The following PEX14 variants were observed in gnomAD, a reference collection of about 807,000 sequenced individuals.
The protein encoded by PEX14 is peroxisomal biogenesis factor 14.
Under a neutral mutation model 49.5 loss-of-function variants are expected in PEX14, and 15 were observed. That is an observed-to-expected ratio of 0.30 (90% CI 0.20 to 0.47). The LOEUF is 0.47. Ranked by LOEUF, PEX14 falls within the 20% of genes least tolerant of loss-of-function variation. The pLI, the probability that PEX14 is intolerant of heterozygous loss-of-function variation, is 1.00. For synonymous variants in PEX14, 210 were observed against 212.7 expected (o/e 0.99, Z 0.11); for missense variants, 398 against 494.8 (o/e 0.80, Z 1.86).
intron 3 of PEX14, among the ~76,000 whole-genome samples, chr1:10,585,837 G>T (rs1472224737): frequency 6.6e-6 from 1 of 152,190 alleles, no homozygotes; most frequent in East Asian, 1.9e-4. Flanking sequence ...CAAAGATTGC[G>T]GTGAGTGGAG....
At chr1:10,526,107 G>A (rs1638470419) in intron 2 of PEX14, among the ~76,000 whole-genome samples, 1 of 148,172 alleles carries the variant, frequency 6.7e-6, no homozygotes, top group African/African-American at 2.5e-5. Flanking sequence ...ATTTTTAGTA[G>A]AGACGGGTTT....
chr1:10,497,890 A>T (rs1337816569), intron 2 of PEX14, among the ~76,000 whole-genome samples: 1 of 152,176 alleles, frequency 6.6e-6, no homozygotes, highest in African/African-American at 2.4e-5. Flanking sequence ...CAATTCCTTA[A>T]TGGAAGTTGC....
At chr1:10,532,987 G>A (rs1436135785) in intron 2 of PEX14, among the ~76,000 whole-genome samples, 4 of 152,152 alleles carry the variant, frequency 2.6e-5, no homozygotes, top group South Asian at 2.1e-4. Flanking sequence ...TTCTCCCATC[G>A]ATGTATGAAT....
chr1:10,555,049 G>C (rs571909213), intron 3 of PEX14, among the ~76,000 whole-genome samples: 1 of 151,926 alleles, frequency 6.6e-6, no homozygotes, highest in Admixed American at 6.6e-5. Context: ...CTTGATCTGG[G>C]GCTGCAGTAA....
At chr1:10,537,339 G>GCCCCCCCCCCC (rs1463981995) in intron 3 of PEX14, among the ~76,000 whole-genome samples, 1 of 12,346 alleles carries the variant, frequency 8.1e-5, no homozygotes, top group Non-Finnish European at 2.4e-4. Flanking sequence ...CATTGTGCCA[G>GCCCCCCCCCCC]CACCCCCCCC....
In PEX14 at chr1:10,577,556, ATATATATTTTTTTTTTTTTTTTTTTTTT is replaced by A. The variant is rs1640176483; in HGVS notation, c.170-21680_170-21653del. ...TATATATATATATATATATATATATATATATATTTTTTTTTTTTTTTTTTTTTTTTTTTTTTTTTTTTTTTTTTTTTTT... is the reference window on the plus strand; with the variant it reads ...TATATATATATATATATATATATATATTTTTTTTTTTTTTTTTTTTTTTTT... On this transcript the variant is annotated intron_variant, in intron 3 of 8. Coordinates refer to ENST00000356607, the MANE Select transcript of PEX14 (RefSeq NM_004565.3). Among the ~76,000 whole-genome samples, 10 of 5,896 alleles carry A rather than the reference ATATATATTTTTTTTTTTTTTTTTTTTTT, an allele frequency of 1.7e-3. 1 individual carries two copies. In the South Asian group the frequency reaches 0.026, roughly 15 times the overall value. 3.9% of individuals were successfully genotyped at this position (5,896 alleles called of 152,430 possible).
At chr1:10,599,686 T>G (rs1640929231) in intron 4 of PEX14, among the ~76,000 whole-genome samples, 1 of 152,264 alleles carries the variant, frequency 6.6e-6, no homozygotes, top group Non-Finnish European at 1.5e-5. Flanking sequence ...TGCTTTTGAA[T>G]GTTACTGTTT....
chr1:10,548,715 GTCT>G (rs1359226237), intron 3 of PEX14, among the ~76,000 whole-genome samples: 2 of 152,138 alleles, frequency 1.3e-5, no homozygotes, highest in African/African-American at 4.8e-5. Flanking sequence ...CCACAGCTTG[GTCT>G]TCTTTCCGTT....
intron 3 of PEX14, among the ~76,000 whole-genome samples, chr1:10,553,642 T>G (rs1487058521): frequency 7.2e-5 from 5 of 69,366 alleles, no homozygotes; most frequent in African/African-American, 1.9e-4. Flanking sequence ...TAAAGTCTGC[T>G]TCTCCCTCCA....
intron 1 of PEX14, among the ~76,000 whole-genome samples, chr1:10,484,286 C>T (rs1641331552): frequency 1.3e-5 from 2 of 151,628 alleles, no homozygotes; most frequent in Admixed American, 1.3e-4. Context: ...GATTTGCCCA[C>T]CTCGGCCTCC....
chr1:10,538,767 G>A (rs1638913971), intron 3 of PEX14, among the ~76,000 whole-genome samples: 2 of 152,190 alleles, frequency 1.3e-5, no homozygotes, highest in Non-Finnish European at 2.9e-5. Flanking sequence ...TGGCTCGCTG[G>A]CCGTCTGGAC....
intron 3 of PEX14, among the ~76,000 whole-genome samples, chr1:10,583,621 G>A (rs975795200): frequency 5.3e-5 from 8 of 149,682 alleles, no homozygotes; most frequent in Non-Finnish European, 1.2e-4. Flanking sequence ...CAAATGCAAT[G>A]GTAGAGTGGG....
intron 2 of PEX14, among the ~76,000 whole-genome samples, chr1:10,503,086 C>T (rs1388061099): frequency 6.6e-6 from 1 of 151,628 alleles, no homozygotes; most frequent in Non-Finnish European, 1.5e-5. Context: ...CAGGTGTGAG[C>T]CACCACGCCC....
At chr1:10,534,257 C>T (rs948490040) in intron 2 of PEX14, among the ~76,000 whole-genome samples, 1 of 152,174 alleles carries the variant, frequency 6.6e-6, no homozygotes, top group African/African-American at 2.4e-5. Flanking sequence ...ACTATCCCCA[C>T]GCCATCTGAG....
intron 3 of PEX14, among the ~76,000 whole-genome samples, chr1:10,563,631 A>G (rs548231517): frequency 6.6e-6 from 1 of 151,150 alleles, no homozygotes; most frequent in South Asian, 2.1e-4. Context: ...GTCTCAAAAA[A>G]TAAAAAAGTT....
chr1:10,511,058 C>T (rs1010363153), intron 2 of PEX14, among the ~76,000 whole-genome samples: 6 of 149,894 alleles, frequency 4.0e-5, no homozygotes, highest in African/African-American at 1.2e-4. Context: ...TGTGGTGCAC[C>T]GATAGGCATC....
chr1:10,520,761 C>T (rs1427106538), intron 2 of PEX14, among the ~76,000 whole-genome samples: 3 of 152,206 alleles, frequency 2.0e-5, no homozygotes, highest in African/African-American at 4.8e-5. Context: ...GAATTCGAAA[C>T]GGGTCTAACC....
chr1:10,522,247 A>G, intron 2 of PEX14, among the ~76,000 whole-genome samples: 1 of 152,252 alleles, frequency 6.6e-6, no homozygotes, highest in East Asian at 1.9e-4. Context: ...GCTTTTATAG[A>G]AAAGATAGCC....
intron 2 of PEX14, among the ~76,000 whole-genome samples, chr1:10,510,510 C>T (rs1490010098): frequency 6.6e-6 from 1 of 152,150 alleles, no homozygotes; most frequent in Non-Finnish European, 1.5e-5. Flanking sequence ...GTCCCATTTC[C>T]TGCTAGGCTG....
Sources: allele counts gnomAD v4.1 joint callset (sites outside exome capture counted in the v4.1 genomes callset), GRCh38; gene constraint gnomAD v4.1.1; transcripts MANE v1.5; gene names NCBI Gene and HGNC (gene_info 2026-07-23, HGNC 2026-07-21).